CLVS1: variants seen among roughly 807,000 people sequenced by gnomAD.
CLVS1 encodes the protein clavesin-1.
A neutral mutation model predicts 33.1 loss-of-function variants in CLVS1; 10 were observed. The observed-to-expected ratio is 0.30, with a 90% CI of 0.19 to 0.51. The LOEUF (loss-of-function observed/expected upper bound fraction) is 0.51, where lower values mean the gene tolerates loss of function less well. Among genes scored for constraint, CLVS1 ranks in the 20% least tolerant of loss-of-function variants. The probability of loss-of-function intolerance (pLI) is 0.97; values close to 1 mark genes in which losing one functional copy is unlikely to be tolerated. For missense variants in CLVS1, 343 were observed against 433.4 expected (o/e 0.79, Z 1.85); for synonymous variants, 163 against 166.1 (o/e 0.98, Z 0.14).
At chr8:61,216,573 CA>C (rs1171872143) in intron 2 of CLVS1, among the ~76,000 whole-genome samples, 1 of 152,142 alleles carries the variant, frequency 6.6e-6, no homozygotes, top group Non-Finnish European at 1.5e-5. Context: ...ATGGAGGAAC[CA>C]GATTTATTTC....
At chr8:61,085,740 A>T in intron 1 of CLVS1, among the ~76,000 whole-genome samples, 1 of 151,504 alleles carries the variant, frequency 6.6e-6, no homozygotes, top group Admixed American at 6.6e-5. Context: ...AAAAAAAAAA[A>T]AAAGGGCACA....
intron 3 of CLVS1, among the ~76,000 whole-genome samples, chr8:61,451,320 G>A (rs1372385512): frequency 1.3e-5 from 2 of 151,584 alleles, no homozygotes; most frequent in South Asian, 4.2e-4. Flanking sequence ...TTCAAATAAT[G>A]TTTTTATCTA....
At chr8:61,186,582 C>T (rs3852341) in intron 2 of CLVS1, among the ~76,000 whole-genome samples, 55,783 of 151,220 alleles carry the variant, frequency 0.37, 12,876 homozygotes, top group Middle Eastern at 0.6. Context: ...TGTGGTTTTG[C>T]TAGGTGGAAA....
chr8:61,492,325 T>C (rs1319421725), intron 5 of CLVS1, among the ~76,000 whole-genome samples: 1 of 152,194 alleles, frequency 6.6e-6, no homozygotes, highest in Non-Finnish European at 1.5e-5. Context: ...TAAATATTAA[T>C]GAGATAGTTT....
chr8:61,207,005 G>A (rs112717976), intron 2 of CLVS1, among the ~76,000 whole-genome samples: 11 of 152,242 alleles, frequency 7.2e-5, no homozygotes, highest in African/African-American at 2.6e-4. Flanking sequence ...ACAAGGCCTG[G>A]CCCATCTCTA....
intron 2 of CLVS1, among the ~76,000 whole-genome samples, chr8:61,148,063 C>G (rs1366221551): frequency 6.6e-6 from 1 of 152,230 alleles, no homozygotes; most frequent in Non-Finnish European, 1.5e-5. Context: ...TACTCCAAGT[C>G]AGGAGCAGTG....
intron 2 of CLVS1, among the ~76,000 whole-genome samples, chr8:61,334,026 A>T (rs1422071612): frequency 6.6e-6 from 1 of 152,224 alleles, no homozygotes; most frequent in Non-Finnish European, 1.5e-5. Flanking sequence ...TGCAAAAGAC[A>T]TGATCTTGTT....
the CLVS1 span, among the ~76,000 whole-genome samples, chr8:61,030,851 G>A: frequency 6.6e-6 from 1 of 152,218 alleles, no homozygotes; most frequent in African/African-American, 2.4e-5. Context: ...GTAGAAAGGT[G>A]TAGGTTTGGG....
intron 2 of CLVS1, among the ~76,000 whole-genome samples, chr8:61,180,560 C>A (rs1376526910): frequency 6.6e-6 from 1 of 152,216 alleles, no homozygotes; most frequent in African/African-American, 2.4e-5. Context: ...AGGCCAATAT[C>A]CTTGATGAAC....
intron 2 of CLVS1, among the ~76,000 whole-genome samples, chr8:61,266,350 G>GCC (rs1809303140): frequency 6.7e-6 from 1 of 148,416 alleles, no homozygotes; most frequent in African/African-American, 2.5e-5. Context: ...TTCCCCACTG[G>GCC]CCAATCCCCA....
intron 2 of CLVS1, among the ~76,000 whole-genome samples, chr8:61,349,952 T>G (rs766979413): frequency 2.0e-5 from 3 of 152,130 alleles, no homozygotes; most frequent in Admixed American, 6.6e-5. Flanking sequence ...GTCTTTGCCA[T>G]GTAAGAATTT....
intron 2 of CLVS1, among the ~76,000 whole-genome samples, chr8:61,266,773 G>C (rs1189261547): frequency 6.6e-6 from 1 of 152,152 alleles, no homozygotes; most frequent in Admixed American, 6.5e-5. Flanking sequence ...AATAAATCCA[G>C]ATTTGTTTTT....
At chr8:60,987,796 G>A in the CLVS1 span, among the ~76,000 whole-genome samples, 1 of 152,130 alleles carries the variant, frequency 6.6e-6, no homozygotes, top group South Asian at 2.1e-4. Flanking sequence ...AGCCAGTGTG[G>A]TGGCTCGAGC....
At chr8:61,193,721 A>G (rs1048794529) in intron 2 of CLVS1, among the ~76,000 whole-genome samples, 1 of 151,928 alleles carries the variant, frequency 6.6e-6, no homozygotes, top group Non-Finnish European at 1.5e-5. Context: ...TTTGACACCT[A>G]TGGAACCCTA....
intron 2 of CLVS1, among the ~76,000 whole-genome samples, chr8:61,169,316 C>G (rs1318798201): frequency 6.6e-6 from 1 of 152,142 alleles, no homozygotes; most frequent in African/African-American, 2.4e-5. Context: ...CCTTTTTGTG[C>G]CCACCAAGCA....
chr8:61,120,745 T>C (rs1224392482), intron 1 of CLVS1, among the ~76,000 whole-genome samples: 8 of 143,338 alleles, frequency 5.6e-5, no homozygotes, highest in Non-Finnish European at 6.1e-5. Context: ...GATCTCCAGC[T>C]GCGTGCTGGG....
Position 61,282,087 on chromosome 8 carries a change from C to G in CLVS1, c.-151-17590C>G, listed in dbSNP as rs1347908180. Among the ~76,000 whole-genome samples, 8 of 152,214 alleles carry G rather than the reference C, an allele frequency of 5.3e-5. No homozygotes were observed. In the East Asian group the frequency reaches 1.5e-3, roughly 29 times the overall value. On this transcript the variant is annotated intron_variant, in intron 2 of 2. Transcript: ENST00000522621. ...TTGGTGCTGAGCAAAAGGCTACTAG[C>G]AATGGGAGGCCTATTATGCTGCCTA...
rs530281217 is a variant in CLVS1, at chr8:61,379,983, C to T, written c.630+3204C>T. Among the ~76,000 whole-genome samples the T allele has an allele frequency of 2.0e-5, 3 of 152,272 alleles. No homozygotes were observed. In the South Asian group the frequency reaches 6.2e-4, roughly 32 times the overall value. On this transcript the variant is annotated intron_variant, in intron 3 of 5. Transcript: ENST00000325897. ...CTGTTATCTGAGGACTTTCTGGCAG[C>T]CCTCTCAGTGGCTGGGCAGCATATC...
chr8:61,377,781 G>A (rs183391594), intron 3 of CLVS1: 1 of 152,174 alleles, frequency 6.6e-6, no homozygotes, highest in Admixed American at 6.5e-5. Context: ...TTATTGAATG[G>A]ATCTTATTTT....
Sources: allele counts gnomAD v4.1 joint callset (sites outside exome capture counted in the v4.1 genomes callset), GRCh38; gene constraint gnomAD v4.1.1; transcripts MANE v1.5; gene names NCBI Gene and HGNC (gene_info 2026-07-23, HGNC 2026-07-21).